CHST9: variants seen among roughly 807,000 people sequenced by gnomAD.
The protein encoded by CHST9 is GalNAc-4-sulfotransferase 2.
A neutral mutation model predicts 44.4 loss-of-function variants in CHST9; 41 were observed. That is an observed-to-expected ratio of 0.92 (90% CI 0.72 to 1.20). The LOEUF (loss-of-function observed/expected upper bound fraction) is 1.20. CHST9 is among the 50% of genes most tolerant of loss of function. The pLI, the probability that CHST9 is intolerant of heterozygous loss-of-function variation, is 0.00. For missense variants in CHST9, 504 were observed against 516.5 expected (o/e 0.98, Z 0.23); for synonymous variants, 171 against 178.4 (o/e 0.96, Z 0.33).
At chr18:26,981,788 C>T (rs1305199904) in intron 4 of CHST9, among the ~76,000 whole-genome samples, 1 of 152,200 alleles carries the variant, frequency 6.6e-6, no homozygotes, top group African/African-American at 2.4e-5. Context: ...GTAATCATTT[C>T]TGACAAGTCC....
chr18:26,941,104 C>T (rs1246567017), intron 5 of CHST9, among the ~76,000 whole-genome samples: 1 of 152,176 alleles, frequency 6.6e-6, no homozygotes, highest in Non-Finnish European at 1.5e-5. Context: ...TTTTAAGGCA[C>T]CTGTTCATGG....
chr18:27,178,390 G>A (rs1228851340), intron 1 of CHST9, among the ~76,000 whole-genome samples: 3 of 151,974 alleles, frequency 2.0e-5, no homozygotes, highest in Admixed American at 1.3e-4. Flanking sequence ...AATATGTAAC[G>A]TGGACCCTGA....
intron 4 of CHST9, among the ~76,000 whole-genome samples, chr18:27,022,039 C>G (rs1206389140): frequency 1.3e-5 from 2 of 152,148 alleles, no homozygotes; most frequent in African/African-American, 4.8e-5. Context: ...GTGTTCTGGC[C>G]AAGTGCATTG....
intron 3 of CHST9, among the ~76,000 whole-genome samples, chr18:27,035,329 T>C (rs956746290): frequency 3.9e-5 from 6 of 152,212 alleles, no homozygotes; most frequent in Admixed American, 6.5e-5. Context: ...ATTCAGGGTC[T>C]TTGTCCATTT....
chr18:27,052,458 G>A (rs1468193223), intron 2 of CHST9, among the ~76,000 whole-genome samples: 1 of 151,974 alleles, frequency 6.6e-6, no homozygotes, highest in Non-Finnish European at 1.5e-5. Flanking sequence ...AGATGGAGAC[G>A]ACCCTCTAGG....
chr18:26,950,935 A>G (rs1401776388), intron 4 of CHST9, among the ~76,000 whole-genome samples: 2 of 152,218 alleles, frequency 1.3e-5, no homozygotes, highest in African/African-American at 2.4e-5. Context: ...TTTGGGTCTT[A>G]TCCCTCCAGC....
intron 2 of CHST9, among the ~76,000 whole-genome samples, chr18:27,117,068 C>A (rs371456913): frequency 1.3e-5 from 2 of 151,474 alleles, no homozygotes; most frequent in African/African-American, 4.8e-5. Flanking sequence ...TTTAACTATA[C>A]GTTTCATATG....
intron 3 of CHST9, among the ~76,000 whole-genome samples, chr18:27,033,865 T>C (rs1258489409): frequency 1.3e-5 from 2 of 152,164 alleles, no homozygotes; most frequent in African/African-American, 4.8e-5. Flanking sequence ...CCAAACATGC[T>C]CCGGCTCCTG....
intron 2 of CHST9, among the ~76,000 whole-genome samples, chr18:27,083,904 G>C (rs959363410): frequency 5.9e-5 from 9 of 152,058 alleles, no homozygotes; most frequent in Non-Finnish European, 8.8e-5. Context: ...TAATCATGTA[G>C]TCTGTGGTTT....
chr18:27,134,163 A>G (rs546465154), intron 2 of CHST9, among the ~76,000 whole-genome samples: 1 of 152,340 alleles, frequency 6.6e-6, no homozygotes, highest in Non-Finnish European at 1.5e-5. Flanking sequence ...GAAGGAAAAG[A>G]ACAGACTCTC....
At chr18:27,179,378 G>A (rs370409053) in intron 1 of CHST9, among the ~76,000 whole-genome samples, 6 of 147,542 alleles carry the variant, frequency 4.1e-5, no homozygotes, top group East Asian at 4.0e-4. Flanking sequence ...GTGAACAAAT[G>A]GGATGGTCCT....
chr18:27,091,463 C>G (rs766063551), intron 2 of CHST9, among the ~76,000 whole-genome samples: 4 of 152,106 alleles, frequency 2.6e-5, no homozygotes, highest in African/African-American at 4.8e-5. Flanking sequence ...ATTGCCCTGG[C>G]CAGAATTTCC....
chr18:26,948,861 G>C (rs1452864249), intron 4 of CHST9, among the ~76,000 whole-genome samples: 1 of 152,184 alleles, frequency 6.6e-6, no homozygotes, highest in East Asian at 1.9e-4. Context: ...CTAAGAGGCA[G>C]GTAAGTGTAG....
chr18:27,164,322 G>GACA (rs1555629762), intron 1 of CHST9, among the ~76,000 whole-genome samples: 4 of 121,578 alleles, frequency 3.3e-5, no homozygotes, highest in Admixed American at 2.5e-4. Context: ...AAATCAGAAA[G>GACA]AAAAAAAAAA....
rs1056941174 is a variant in CHST9, at chr18:26,911,757, T to C, written c.*4502A>G. The C allele has an allele frequency of 1.3e-5, 2 of 152,198 alleles. No homozygotes were observed. Among genetic ancestry groups the C allele is most frequent in the Non-Finnish European group, 2.9e-5 (2 of 68,036 alleles). The allele number at this position is 152,198 out of a possible 1,614,324, so 9.4% of individuals were successfully genotyped here. ...GAGAATGAAATGATATGAGGCAATGTTCTGTTGAACTCCCCAGACCTGGCC... is the reference window on the plus strand; with the variant it reads ...GAGAATGAAATGATATGAGGCAATGCTCTGTTGAACTCCCCAGACCTGGCC... On this transcript the variant is annotated 3_prime_UTR_variant, in exon 6 of 6. Transcript: ENST00000618847.
In CHST9 at chr18:27,040,874, T is replaced by G. The variant is rs577020293; in HGVS notation, c.160+7591A>C. Among the ~76,000 whole-genome samples, 11 of 152,280 alleles carry G rather than the reference T, an allele frequency of 7.2e-5. No homozygotes were observed. In the South Asian group the frequency reaches 2.3e-3, roughly 32 times the overall value. Reference sequence around the variant, plus strand: ...TTTTACCCTGTGTGAAAATCAGGTATGACTTAACACTCCTTGCACAAGCCA... The same window carrying G: ...TTTTACCCTGTGTGAAAATCAGGTAGGACTTAACACTCCTTGCACAAGCCA... On this transcript the variant is annotated intron_variant, in intron 3 of 5. Coordinates refer to ENST00000618847, the MANE Select transcript of CHST9 (RefSeq NM_031422.6).
intron 4 of CHST9, among the ~76,000 whole-genome samples, chr18:27,006,616 C>T (rs550242606): frequency 3.9e-5 from 6 of 152,192 alleles, no homozygotes; most frequent in Non-Finnish European, 8.8e-5. Flanking sequence ...GCCCATTTCC[C>T]GTCTGCAGTT....
intron 2 of CHST9, among the ~76,000 whole-genome samples, chr18:27,137,451 A>T (rs539545698): frequency 6.6e-6 from 1 of 151,502 alleles, no homozygotes; most frequent in African/African-American, 2.4e-5. Context: ...AGAGGACAGA[A>T]GGGATCCCAG....
chr18:27,001,392 A>C (rs754599082), intron 4 of CHST9, among the ~76,000 whole-genome samples: 33 of 152,190 alleles, frequency 2.2e-4, no homozygotes, highest in Non-Finnish European at 4.4e-4. Flanking sequence ...TAGTCCAAGA[A>C]TGTATTTGGG....
Sources: allele counts gnomAD v4.1 joint callset (sites outside exome capture counted in the v4.1 genomes callset), GRCh38; gene constraint gnomAD v4.1.1; transcripts MANE v1.5; gene names NCBI Gene and HGNC (gene_info 2026-07-23, HGNC 2026-07-21).